The following PPIH variants were observed in gnomAD, a reference collection of about 807,000 sequenced individuals.
PPIH encodes the protein peptidyl-prolyl cis-trans isomerase H.
Under a neutral mutation model 27.6 loss-of-function variants are expected in PPIH, and 16 were observed. That is an observed-to-expected ratio of 0.58 (90% confidence interval 0.39 to 0.88). The LOEUF is 0.88. Ranked by LOEUF, PPIH falls within the 40% of genes least tolerant of loss-of-function variation. The pLI, the probability that PPIH is intolerant of heterozygous loss-of-function variation, is 0.00. For missense variants in PPIH, 155 were observed against 224.1 expected (o/e 0.69, Z 1.97); for synonymous variants, 63 against 76.1 (o/e 0.83, Z 0.90).
downstream of PPIH, among the ~76,000 whole-genome samples, chr1:42,679,819 A>G (rs1191733778): frequency 6.6e-6 from 1 of 152,244 alleles, no homozygotes; most frequent in East Asian, 1.9e-4. Context: ...CTGGAGCTGG[A>G]ACACATGAAC....
intron 1 of PPIH, 123 bp downstream of exon 1, chr1:42,658,635 C>T: frequency 8.1e-7 from 1 of 1,227,132 alleles, no homozygotes; most frequent in Non-Finnish European, 1.2e-6. Context: ...GCACCCGAAC[C>T]TACCGACCTG....
At chr1:42,670,876 A>G (rs1416427214) in intron 9 of PPIH, among the ~76,000 whole-genome samples, 2 of 151,958 alleles carry the variant, frequency 1.3e-5, no homozygotes, top group Admixed American at 6.6e-5. Flanking sequence ...GCTCACTGCA[A>G]CCTCTACCTC....
chr1:42,661,045 G>A, intron 5 of PPIH, 141 bp downstream of exon 5: 1 of 730,496 alleles, frequency 1.4e-6, no homozygotes, highest in Non-Finnish European at 2.3e-6. Context: ...GGAGAGAATG[G>A]TGATGGGGAA....
downstream of PPIH, among the ~76,000 whole-genome samples, chr1:42,679,280 C>T (rs1425430340): frequency 6.6e-6 from 1 of 152,214 alleles, no homozygotes; most frequent in African/African-American, 2.4e-5. Context: ...ACCTCCGCCT[C>T]CCGGGTTCAA....
intron 9 of PPIH, among the ~76,000 whole-genome samples, chr1:42,672,206 C>T (rs1392461208): frequency 2.6e-5 from 4 of 152,078 alleles, no homozygotes; most frequent in Admixed American, 1.3e-4. Context: ...TATACTTTAA[C>T]GTTCATACGG....
chr1:42,666,437 T>C (rs552861253), intron 7 of PPIH, 110 bp from the exon 8 acceptor site: 3 of 1,116,118 alleles, frequency 2.7e-6, no homozygotes, highest in Non-Finnish European at 4.0e-6. Flanking sequence ...GCATCTTAAT[T>C]TCCTAAAGTT....
rs1225214828 is a variant in PPIH, at chr1:42,660,903, A to G, written c.242A>G (p.Asn81Ser). The G allele has an allele frequency of 6.2e-7, 1 of 1,609,132 alleles. No homozygotes were observed. Among genetic ancestry groups the G allele is most frequent in the East Asian group, 2.2e-5 (1 of 44,780 alleles). The change falls in exon 5 of 10, where the codon AAT becomes AGT. Residue 81 changes from asparagine (N) to serine (S), a missense_variant and splice_region_variant. By Grantham distance (46) the Asn-to-Ser change is conservative. Coordinates refer to ENST00000304979, the MANE Select transcript of PPIH (RefSeq NM_006347.4). Reference sequence around the variant, plus strand: ...ATGATTCAGGGTGGAGATTTTGTTAATGTAAGTACTATTCCTTTCCTATCA... The same window carrying G: ...ATGATTCAGGGTGGAGATTTTGTTAGTGTAAGTACTATTCCTTTCCTATCA... ...DFMIQGGDFV[N>S]GDGTGVASIY... is the part of the protein sequence containing the mutation.
chr1:42,664,938 C>T lies in PPIH; in HGVS notation c.319C>T (p.Pro107Ser). The change falls in exon 6 of 10, where the codon CCA (proline) becomes TCA (serine). Residue 107 changes from proline (P) to serine (S), a missense_variant. Pro to Ser is a moderately conservative substitution (Grantham distance 74). Coordinates refer to ENST00000304979, the MANE Select transcript of PPIH (RefSeq NM_006347.4). ...AAATTTTAAACTTAGACACTCAGCT[C>T]CAGGCCTGCTTTCCATGGTAAGTGA... ...DENFKLRHSA[P>S]GLLSMANSGP... 6.2e-7 allele frequency: 1 copy of T among 1,613,880 alleles called. No homozygotes were observed.
chr1:42,678,449 C>T (rs1649950018), downstream of PPIH, among the ~76,000 whole-genome samples: 1 of 152,130 alleles, frequency 6.6e-6, no homozygotes, highest in Non-Finnish European at 1.5e-5. Flanking sequence ...GCCCAGGCTG[C>T]AGTGCAATGG....
chr1:42,662,046 C>T (rs1649053706), intron 5 of PPIH, among the ~76,000 whole-genome samples: 1 of 152,146 alleles, frequency 6.6e-6, no homozygotes, highest in South Asian at 2.1e-4. Flanking sequence ...GTTTGCAGCC[C>T]CGGGAAACAG....
intron 8 of PPIH, 48 bp downstream of exon 8, chr1:42,666,635 ACTGT>A (rs1433246092): frequency 1.3e-6 from 2 of 1,576,648 alleles, no homozygotes; most frequent in Admixed American, 3.3e-5. Flanking sequence ...GTGGTCTGGT[ACTGT>A]CTGACTAGCG....
chr1:42,678,950 C>T (rs1041903410), downstream of PPIH: 6 of 152,198 alleles, frequency 3.9e-5, no homozygotes, highest in African/African-American at 1.4e-4. Flanking sequence ...GTTCTTAGGC[C>T]ACAGTCTATT....
chr1:42,661,511 G>A (rs1649014992), intron 5 of PPIH, among the ~76,000 whole-genome samples: 2 of 152,078 alleles, frequency 1.3e-5, no homozygotes, highest in South Asian at 4.1e-4. Context: ...CCCATATGAA[G>A]CCTCCCTCCC....
rs557705821 is a variant in PPIH, at chr1:42,672,901, G to A, written c.*22-3683G>A. Among the ~76,000 whole-genome samples, 4 of 152,144 alleles carry A rather than the reference G, an allele frequency of 2.6e-5. No homozygotes were observed. The South Asian group carries it at 8.3e-4, about 32-fold the overall frequency. ...TGATCTCATGTGATCTGCCCGCCTT[G>A]ACTTCCCAAAGTACTGGGATTACAG... is the stretch of plus-strand genomic sequence containing the variant. On this transcript the variant is annotated intron_variant, in intron 9 of 9. Coordinates refer to ENST00000304979, the MANE Select transcript of PPIH (RefSeq NM_006347.4).
chr1:42,665,958 A>G (rs1444396650), intron 6 of PPIH, 22 bp from the exon 7 acceptor site: 2 of 1,601,410 alleles, frequency 1.2e-6, no homozygotes, highest in Non-Finnish European at 1.7e-6. Context: ...AACTTACTGC[A>G]GGTATATTTG....
chr1:42,659,619 ATTAGGCTCT>A (rs1019337908), intron 4 of PPIH, 53 bp downstream of exon 4: 185 of 1,581,160 alleles, frequency 1.2e-4, no homozygotes, highest in Non-Finnish European at 1.5e-4. Context: ...TTCCTGGGGG[ATTAGGCTCT>A]TTAGAGGAAA....
chr1:42,678,233 C>T (rs1001316607), downstream of PPIH, among the ~76,000 whole-genome samples: 14 of 152,090 alleles, frequency 9.2e-5, no homozygotes, highest in Admixed American at 1.3e-4. Context: ...ATGGGCTGGT[C>T]AGCTGCACTC....
chr1:42,666,904 T>C (rs1649372712), intron 8 of PPIH, among the ~76,000 whole-genome samples: 1 of 152,180 alleles, frequency 6.6e-6, no homozygotes, highest in Non-Finnish European at 1.5e-5. Context: ...CACATCAGGC[T>C]ACTAGCTCTT....
chr1:42,677,126 AAG>A (rs144641520), downstream of PPIH, among the ~76,000 whole-genome samples: 4,369 of 152,262 alleles, frequency 0.029, 211 homozygotes, highest in African/African-American at 0.095. Context: ...AGAGTCAAAT[AAG>A]AGAGTGGATA....
Sources: gnomAD v4.1 joint callset for allele counts (sites outside exome capture counted in the v4.1 genomes callset) on GRCh38, gnomAD v4.1.1 for gene constraint, MANE v1.5 for transcripts, NCBI Gene and HGNC (gene_info 2026-07-23, HGNC 2026-07-21) for gene names.